AMPH: variants seen among roughly 807,000 people sequenced by gnomAD.
AMPH encodes amphiphysin, also known as amphiphysin (Stiff-Mann syndrome with breast cancer 128kD autoantigen).
Under a neutral mutation model 99.1 loss-of-function variants are expected in AMPH, and 49 were observed. The observed-to-expected ratio is 0.49, with a 90% CI of 0.39 to 0.63. The LOEUF (loss-of-function observed/expected upper bound fraction) is 0.63, where lower values mean the gene tolerates loss of function less well. Ranked by LOEUF, AMPH falls within the 20% of genes least tolerant of loss-of-function variation. The probability of loss-of-function intolerance (pLI) is 0.00; values close to 1 mark genes in which losing one functional copy is unlikely to be tolerated. For synonymous variants in AMPH, 314 were observed against 317.3 expected (o/e 0.99, Z 0.11); for missense variants, 759 against 863.4 (o/e 0.88, Z 1.52).
intron 1 of AMPH, among the ~76,000 whole-genome samples, chr7:38,624,990 G>A (rs1178795407): frequency 2.6e-5 from 4 of 151,916 alleles, no homozygotes; most frequent in Non-Finnish European, 5.9e-5. Context: ...CAATGAAAAA[G>A]CAACCAATTA....
At chr7:38,391,608 AGT>A (rs1464590198) in intron 19 of AMPH, 138 bp downstream of exon 19, 1 of 819,594 alleles carries the variant, frequency 1.2e-6, no homozygotes, top group Admixed American at 2.9e-5. Context: ...GGCTTGTCCA[AGT>A]GATGTTGTGG....
chr7:38,551,396 A>G (rs946742451), intron 1 of AMPH, among the ~76,000 whole-genome samples: 2 of 152,188 alleles, frequency 1.3e-5, no homozygotes, highest in African/African-American at 4.8e-5. Flanking sequence ...TAGGAAGAAT[A>G]GTCAATGCTT....
intron 4 of AMPH, among the ~76,000 whole-genome samples, chr7:38,492,142 C>G (rs1704757596): frequency 1.3e-5 from 2 of 152,238 alleles, no homozygotes; most frequent in African/African-American, 4.8e-5. Context: ...CCCATTTTAG[C>G]TCGGCCCTTG....
chr7:38,554,532 G>A (rs1791295426), intron 1 of AMPH, among the ~76,000 whole-genome samples: 1 of 152,054 alleles, frequency 6.6e-6, no homozygotes, highest in Admixed American at 6.6e-5. Context: ...CTACAAGAAT[G>A]TTCATTATAA....
At chr7:38,454,432 T>C (rs2129004769) in intron 11 of AMPH, among the ~76,000 whole-genome samples, 1 of 152,238 alleles carries the variant, frequency 6.6e-6, no homozygotes, top group Admixed American at 6.5e-5. Context: ...GAAGAAATAG[T>C]ATCACCATGA....
chr7:38,590,577 C>G (rs1055179802), intron 1 of AMPH, among the ~76,000 whole-genome samples: 4 of 152,226 alleles, frequency 2.6e-5, no homozygotes, highest in Admixed American at 1.3e-4. Flanking sequence ...TGTCCCTCCC[C>G]CTGTGCTCTC....
At chr7:38,449,894 A>G (rs1786940525) in intron 11 of AMPH, among the ~76,000 whole-genome samples, 1 of 152,242 alleles carries the variant, frequency 6.6e-6, no homozygotes, top group Non-Finnish European at 1.5e-5. Flanking sequence ...TCATAACTGC[A>G]GGCTGGCCTC....
At chr7:38,406,885 T>C (rs1421144869) in intron 17 of AMPH, among the ~76,000 whole-genome samples, 3 of 149,522 alleles carry the variant, frequency 2.0e-5, no homozygotes, top group South Asian at 2.1e-4. Flanking sequence ...CAGAGCTTCA[T>C]TGTCAGCTTC....
chr7:38,487,668 C>T (rs1476441626), intron 5 of AMPH, among the ~76,000 whole-genome samples: 42 of 152,064 alleles, frequency 2.8e-4, no homozygotes, highest in East Asian at 3.9e-4. Flanking sequence ...CCAAAATTGA[C>T]GAATGGGGTC....
chr7:38,426,639 G>A (rs112953896), intron 15 of AMPH, among the ~76,000 whole-genome samples: 1 of 152,300 alleles, frequency 6.6e-6, no homozygotes, highest in African/African-American at 2.4e-5. Flanking sequence ...TTCTAGTAGA[G>A]GAATCGGTAG....
At chr7:38,597,895 G>A (rs1793113860) in intron 1 of AMPH, among the ~76,000 whole-genome samples, 1 of 152,220 alleles carries the variant, frequency 6.6e-6, no homozygotes, top group Non-Finnish European at 1.5e-5. Flanking sequence ...ACCTGGCTCA[G>A]AAAGAGTTCC....
chr7:38,418,152 T>G (rs913458174), intron 16 of AMPH: 1 of 444,684 alleles, frequency 2.2e-6, no homozygotes, highest in Non-Finnish European at 3.8e-6. Context: ...TTATTAAGCT[T>G]CTGCTTTACC....
At chr7:38,563,473 G>A (rs1308346827) in intron 1 of AMPH, among the ~76,000 whole-genome samples, 5 of 152,182 alleles carry the variant, frequency 3.3e-5, no homozygotes, top group African/African-American at 1.2e-4. Context: ...CCTGACTTAA[G>A]TAACTTTCCA....
intron 11 of AMPH, among the ~76,000 whole-genome samples, chr7:38,456,864 C>A (rs145665818): frequency 6.6e-6 from 1 of 152,198 alleles, no homozygotes; most frequent in African/African-American, 2.4e-5. Context: ...GCTCAGTCTA[C>A]CACTGCCTCC....
At chr7:38,437,660 T>C (rs1786328464) in intron 11 of AMPH, among the ~76,000 whole-genome samples, 1 of 107,400 alleles carries the variant, frequency 9.3e-6, no homozygotes, top group Non-Finnish European at 1.9e-5. Context: ...AAAAATTAGT[T>C]GGGCATGGTG....
chr7:38,422,162 G>A (rs894288669), intron 16 of AMPH, among the ~76,000 whole-genome samples: 3 of 152,156 alleles, frequency 2.0e-5, no homozygotes, highest in Non-Finnish European at 4.4e-5. Flanking sequence ...TGTCTTTAAT[G>A]GATTCACTGT....
chr7:38,605,812 C>A (rs1447656617), intron 1 of AMPH, among the ~76,000 whole-genome samples: 4 of 152,132 alleles, frequency 2.6e-5, no homozygotes, highest in Non-Finnish European at 4.4e-5. Context: ...AAACTTCTGA[C>A]CTCAGGTGAT....
chr7:38,489,852 A>G (rs142808668), intron 5 of AMPH, among the ~76,000 whole-genome samples: 1 of 152,276 alleles, frequency 6.6e-6, no homozygotes, highest in Non-Finnish European at 1.5e-5. Context: ...TCAGTTACGT[A>G]AGATGAATAG....
At chr7:38,615,582 C>A (rs1793845647) in intron 1 of AMPH, among the ~76,000 whole-genome samples, 1 of 152,026 alleles carries the variant, frequency 6.6e-6, no homozygotes, top group African/African-American at 2.4e-5. Context: ...AAAATATACC[C>A]CAATTTTCTC....
Sources: gnomAD v4.1 joint callset for allele counts (sites outside exome capture counted in the v4.1 genomes callset) on GRCh38, gnomAD v4.1.1 for gene constraint, MANE v1.5 for transcripts, NCBI Gene and HGNC (gene_info 2026-07-23, HGNC 2026-07-21) for gene names.